The following MAP3K1 variants were observed in gnomAD, a reference collection of about 807,000 sequenced individuals.
MAP3K1 encodes MAP/ERK kinase kinase 1.
MAP3K1 carries 36 observed loss-of-function variants against 144.2 expected under a neutral mutation model. That is an observed-to-expected ratio of 0.25 (90% confidence interval 0.19 to 0.33). MAP3K1 has a LOEUF of 0.33. Among genes scored for constraint, MAP3K1 ranks in the 10% least tolerant of loss-of-function variants. The pLI, the probability that MAP3K1 is intolerant of heterozygous loss-of-function variation, is 1.00. For synonymous variants in MAP3K1, 718 were observed against 688.7 expected, an observed-to-expected ratio of 1.04 and a Z score of -0.67; for missense variants, 1,650 against 1,881.9, an observed-to-expected ratio of 0.88 and a Z score of 2.28.
intron 15 of MAP3K1, 72 bp from the exon 16 acceptor site, chr5:56,884,592 G>T (rs1009424011): frequency 3.3e-5 from 48 of 1,435,128 alleles, no homozygotes; most frequent in Non-Finnish European, 4.5e-5. Flanking sequence ...GTGCTAGTTT[G>T]CATTTGTTCA....
chr5:56,877,758 C>G (rs1358893446), intron 10 of MAP3K1, among the ~76,000 whole-genome samples: 1 of 152,160 alleles, frequency 6.6e-6, no homozygotes, highest in Non-Finnish European at 1.5e-5. Flanking sequence ...ACCAGTTTTT[C>G]TGCTGTTGTC....
chr5:56,834,309 G>A lies in MAP3K1; in HGVS notation c.482+18254G>A, dbSNP rs1368345400. On this transcript the variant is annotated intron_variant, in intron 1 of 19. Coordinates refer to ENST00000399503, the MANE Select transcript of MAP3K1 (RefSeq NM_005921.2). ...ATGCTGGAGCCAGGGGAGATAAAAA[G>A]AGAGTTTAATTCTTGTGTTCTCTAG... is the stretch of plus-strand genomic sequence containing the variant. 3.3e-5 allele frequency among the ~76,000 whole-genome samples: 5 copies of A among 152,310 alleles called. No individual in the cohort carries two copies. In the East Asian group the frequency reaches 7.7e-4, roughly 23 times the overall value.
chr5:56,880,560 A>G (rs1748173886), intron 11 of MAP3K1, 151 bp from the exon 12 acceptor site: 2 of 695,054 alleles, frequency 2.9e-6, no homozygotes, highest in Non-Finnish European at 5.3e-6. Flanking sequence ...ACTTATGGTG[A>G]CATTGTTAAT....
rs1425181033 is a variant in MAP3K1 at position 56,821,861 on chromosome 5, G to T, written c.482+5806G>T. 2.0e-5 allele frequency among the ~76,000 whole-genome samples: 3 copies of T among 152,082 alleles called. No homozygotes were observed. The East Asian group carries it at 5.8e-4, about 29-fold the overall frequency. On this transcript the variant is annotated intron_variant, in intron 1 of 19. Transcript: ENST00000399503. ...AGTGTCTGGCACCCATGAATATTAG[G>T]TACCCAGAAATGTTAACATGAATTA...
chr5:56,860,822 C>T (rs989350058), intron 3 of MAP3K1, among the ~76,000 whole-genome samples: 2 of 151,560 alleles, frequency 1.3e-5, no homozygotes, highest in African/African-American at 4.9e-5. Flanking sequence ...CATTGCACTC[C>T]AGCCTGGGCG....
chr5:56,874,256 T>C (rs1189738361), intron 9 of MAP3K1, among the ~76,000 whole-genome samples: 2 of 152,228 alleles, frequency 1.3e-5, no homozygotes, highest in Admixed American at 1.3e-4. Flanking sequence ...TAGGCATTTT[T>C]CACATAATGA....
chr5:56,890,258 T>C (rs541146486), intron 19 of MAP3K1, among the ~76,000 whole-genome samples: 6 of 152,326 alleles, frequency 3.9e-5, no homozygotes, highest in Non-Finnish European at 4.4e-5. Flanking sequence ...TTTGATGTTA[T>C]TTTAAGAGTT....
chr5:56,868,631 G>A (rs2897974), intron 6 of MAP3K1, among the ~76,000 whole-genome samples: 15,159 of 152,138 alleles, frequency 0.1, 1,216 homozygotes, highest in East Asian at 0.34. Flanking sequence ...TGATCTGCCC[G>A]TCTCAGCCTC....
chr5:56,824,265 C>CT, intron 1 of MAP3K1, among the ~76,000 whole-genome samples: 1 of 152,356 alleles, frequency 6.6e-6, no homozygotes, highest in Non-Finnish European at 1.5e-5. Flanking sequence ...AAAAAATACT[C>CT]TAAGCAGCCA....
chr5:56,840,348 A>G (rs528814914), intron 1 of MAP3K1, among the ~76,000 whole-genome samples: 14 of 152,154 alleles, frequency 9.2e-5, no homozygotes, highest in African/African-American at 4.8e-5. Context: ...GGGTTTCACC[A>G]TGTTGGCCAG....
chr5:56,874,981 G>C (rs1747977916), intron 9 of MAP3K1, 51 bp from the exon 10 acceptor site: 1 of 1,587,022 alleles, frequency 6.3e-7, no homozygotes, highest in African/African-American at 1.3e-5. Context: ...AAAATGCTCT[G>C]GGTCCATAAG....
Position 56,887,531 on chromosome 5 carries a change from T to C in MAP3K1, c.4257+11T>C. 6.2e-7 allele frequency: 1 copy of C among 1,613,986 alleles called. No homozygotes were observed. The highest frequency in any genetic ancestry group is 8.5e-7 in the Non-Finnish European group (1 of 1,179,878). On this transcript the variant is annotated intron_variant, in intron 18 of 19. Transcript: ENST00000399503. ...TTTATGGCACCTGAGGTGAGAAGCA[T>C]CTTTGAGTGTGATGACAGAAAATAT...
At chr5:56,860,677 A>C (rs573377072) in intron 3 of MAP3K1, among the ~76,000 whole-genome samples, 1 of 151,982 alleles carries the variant, frequency 6.6e-6, no homozygotes, top group African/African-American at 2.4e-5. Flanking sequence ...ACATGGTGAA[A>C]CCTCATCTCT....
At chr5:56,864,205 CCAGATATTTAT>C (rs1333480691) in intron 3 of MAP3K1, among the ~76,000 whole-genome samples, 5 of 152,050 alleles carry the variant, frequency 3.3e-5, no homozygotes, top group African/African-American at 1.2e-4. Context: ...TCTCTCTCAG[CCAGATATTTAT>C]CAACATTTAT....
intron 9 of MAP3K1, among the ~76,000 whole-genome samples, chr5:56,874,498 C>G (rs919240869): frequency 6.6e-6 from 1 of 152,170 alleles, no homozygotes; most frequent in African/African-American, 2.4e-5. Flanking sequence ...CCTGTTTTGT[C>G]TAGTTTTTTA....
At chr5:56,820,085 A>G (rs920834665) in intron 1 of MAP3K1, among the ~76,000 whole-genome samples, 1 of 152,216 alleles carries the variant, frequency 6.6e-6, no homozygotes, top group African/African-American at 2.4e-5. Flanking sequence ...GCATATAGAT[A>G]TGCCTAGATA....
intron 6 of MAP3K1, among the ~76,000 whole-genome samples, chr5:56,868,320 T>A (rs569478977): frequency 1.3e-4 from 20 of 152,232 alleles, no homozygotes; most frequent in African/African-American, 4.8e-4. Context: ...CAGAAAAAAC[T>A]ATGCTAAAAA....
intron 14 of MAP3K1, 146 bp downstream of exon 14, chr5:56,883,012 G>A: frequency 1.5e-6 from 1 of 673,686 alleles, no homozygotes; most frequent in Non-Finnish European, 2.5e-6. Flanking sequence ...AACAAAGCAA[G>A]ACCCTGTCTC....
intron 14 of MAP3K1, among the ~76,000 whole-genome samples, 171 bp from the exon 15 acceptor site, chr5:56,883,356 A>G (rs1226519003): frequency 6.6e-6 from 1 of 152,276 alleles, no homozygotes; most frequent in Non-Finnish European, 1.5e-5. Flanking sequence ...GGTTAATTGT[A>G]TAATGGTGAT....
Sources: gnomAD v4.1 joint callset for allele counts (sites outside exome capture counted in the v4.1 genomes callset) on GRCh38, gnomAD v4.1.1 for gene constraint, MANE v1.5 for transcripts, NCBI Gene and HGNC (gene_info 2026-07-23, HGNC 2026-07-21) for gene names.